Variants in KCNG3 observed in about 807,000 individuals in gnomAD.
The protein encoded by KCNG3 is potassium voltage-gated channel modifier subfamily G member 3.
In KCNG3, 15 loss-of-function variants were observed where a neutral mutation model predicts 29.0. The ratio of observed to expected loss-of-function variants is 0.52; its 90% CI spans 0.35 to 0.80. The LOEUF is 0.80. KCNG3 is among the 30% of genes least tolerant of loss of function. The pLI is 0.01. For missense variants in KCNG3, 512 were observed against 605.7 expected, an observed-to-expected ratio of 0.85 and a Z score of 1.62; for synonymous variants, 322 against 248.9, an observed-to-expected ratio of 1.29 and a Z score of -2.76.
chr2:42,421,981 G>A, the KCNG3 span, among the ~76,000 whole-genome samples: 6 of 152,190 alleles, frequency 3.9e-5, no homozygotes, highest in Non-Finnish European at 7.3e-5. Context: ...AAGAGACACA[G>A]TGAGAAGCCA....
At chr2:42,487,156 CAAAAAAA>C (rs1194994891) in intron 1 of KCNG3, among the ~76,000 whole-genome samples, 1 of 68,004 alleles carries the variant, frequency 1.5e-5, no homozygotes, top group Non-Finnish European at 2.8e-5. Context: ...GACTCTGTCT[CAAAAAAA>C]AAAAAAAAAA....
At chr2:42,484,591 C>T (rs1271102653) in intron 1 of KCNG3, among the ~76,000 whole-genome samples, 1 of 152,112 alleles carries the variant, frequency 6.6e-6, no homozygotes, top group African/African-American at 2.4e-5. Flanking sequence ...TTCATATGTG[C>T]ATGGAAAGTT....
At chr2:42,483,285 A>G (rs1038601195) in intron 1 of KCNG3, among the ~76,000 whole-genome samples, 7 of 152,228 alleles carry the variant, frequency 4.6e-5, no homozygotes, top group Non-Finnish European at 7.3e-5. Context: ...TCTGACTTGC[A>G]TATTTTAGAC....
At chr2:42,447,794 T>C (rs537744993) in intron 1 of KCNG3, among the ~76,000 whole-genome samples, 15 of 152,176 alleles carry the variant, frequency 9.9e-5, no homozygotes, top group African/African-American at 3.6e-4. Flanking sequence ...ACCTTGGCCT[T>C]CCAAAGCACT....
chr2:42,402,924 T>G, the KCNG3 span, among the ~76,000 whole-genome samples: 3 of 152,196 alleles, frequency 2.0e-5, no homozygotes, highest in African/African-American at 7.2e-5. Flanking sequence ...CCAAAAAAAT[T>G]TATTGGGAAT....
the KCNG3 span, chr2:42,388,487 T>C: frequency 6.6e-6 from 1 of 152,214 alleles, no homozygotes; most frequent in Non-Finnish European, 1.5e-5. Flanking sequence ...CACAGACTGG[T>C]GGCTTAAACA....
the KCNG3 span, among the ~76,000 whole-genome samples, chr2:42,431,217 T>A: frequency 6.6e-6 from 1 of 152,128 alleles, no homozygotes; most frequent in Non-Finnish European, 1.5e-5. Flanking sequence ...TGACTAATAA[T>A]TGGGGATCCT....
the KCNG3 span, among the ~76,000 whole-genome samples, chr2:42,419,219 C>CTTTTTTTTTTTTTTTT: frequency 7.9e-4 from 22 of 27,736 alleles, 8 homozygotes; most frequent in East Asian, 4.8e-3. Context: ...GATGGTATCT[C>CTTTTTTTTTTTTTTTT]TTTTTTTTTT....
At chr2:42,421,080 T>C in the KCNG3 span, among the ~76,000 whole-genome samples, 4 of 152,162 alleles carry the variant, frequency 2.6e-5, no homozygotes, top group Admixed American at 6.5e-5. Context: ...CATGAAACAA[T>C]AGTATAAACT....
intron 1 of KCNG3, among the ~76,000 whole-genome samples, chr2:42,449,056 G>A (rs1375899143): frequency 6.6e-6 from 1 of 152,008 alleles, no homozygotes; most frequent in Admixed American, 6.6e-5. Flanking sequence ...AGGGCCCACT[G>A]AGGGACTTGA....
chr2:42,398,428 G>C, the KCNG3 span, among the ~76,000 whole-genome samples: 2 of 151,944 alleles, frequency 1.3e-5, no homozygotes, highest in Non-Finnish European at 2.9e-5. Flanking sequence ...CAGTGTCCCA[G>C]GAAGAGCCCT....
At chr2:42,424,508 T>C in the KCNG3 span, among the ~76,000 whole-genome samples, 1 of 151,896 alleles carries the variant, frequency 6.6e-6, no homozygotes, top group Non-Finnish European at 1.5e-5. Context: ...GCACACTGGC[T>C]CTTAATTCTT....
chr2:42,431,638 G>A, the KCNG3 span, among the ~76,000 whole-genome samples: 1 of 152,154 alleles, frequency 6.6e-6, no homozygotes, highest in African/African-American at 2.4e-5. Context: ...TTGAGGAAAT[G>A]TTGCTTGCAG....
intron 1 of KCNG3, among the ~76,000 whole-genome samples, chr2:42,477,341 CTA>C (rs1558386538): frequency 3.4e-5 from 5 of 147,302 alleles, no homozygotes; most frequent in South Asian, 4.4e-4. Flanking sequence ...TTTTTCAATA[CTA>C]TATATATGTG....
chr2:42,416,417 G>C, the KCNG3 span, among the ~76,000 whole-genome samples: 1 of 152,170 alleles, frequency 6.6e-6, no homozygotes, highest in Non-Finnish European at 1.5e-5. Flanking sequence ...TTCAAGGTCA[G>C]CCTGAGCAAC....
At chr2:42,429,240 A>C in the KCNG3 span, among the ~76,000 whole-genome samples, 26 of 152,336 alleles carry the variant, frequency 1.7e-4, no homozygotes, top group Middle Eastern at 3.4e-3. Context: ...AGAATGTGGT[A>C]CAAGGGGAGA....
At chr2:42,397,879 T>C in the KCNG3 span, among the ~76,000 whole-genome samples, 6 of 152,326 alleles carry the variant, frequency 3.9e-5, no homozygotes, top group African/African-American at 1.4e-4. Context: ...CTCTCATATG[T>C]AGCTAGCCAC....
chr2:42,455,829 G>A (rs912602242), intron 1 of KCNG3, among the ~76,000 whole-genome samples: 15 of 151,298 alleles, frequency 9.9e-5, no homozygotes, highest in Non-Finnish European at 1.2e-4. Context: ...GCTGAAAGCT[G>A]AATCTGAATA....
chr2:42,491,791 A>C (rs992585406), intron 1 of KCNG3, among the ~76,000 whole-genome samples: 1 of 152,256 alleles, frequency 6.6e-6, no homozygotes, highest in Non-Finnish European at 1.5e-5. Flanking sequence ...CTGCAATAGC[A>C]AGGCCGCCGT....
Sources: allele counts gnomAD v4.1 joint callset (sites outside exome capture counted in the v4.1 genomes callset), GRCh38; gene constraint gnomAD v4.1.1; transcripts MANE v1.5; gene names NCBI Gene and HGNC (gene_info 2026-07-23, HGNC 2026-07-21).